The following MGA variants were observed in gnomAD, a reference collection of about 807,000 sequenced individuals.
MGA encodes the protein MAX dimerization protein MGA.
In MGA, 40 loss-of-function variants were observed where a neutral mutation model predicts 261.1. The observed-to-expected ratio is 0.15, with a 90% CI of 0.12 to 0.20. MGA has a LOEUF of 0.20. MGA is among the 10% of genes least tolerant of loss of function. MGA has a pLI of 1.00. For missense variants in MGA, 3,397 were observed against 3,630.5 expected, an observed-to-expected ratio of 0.94 and a Z score of 1.65; for synonymous variants, 1,302 against 1,290.6, an observed-to-expected ratio of 1.01 and a Z score of -0.19.
chr15:41,656,481 G>T (rs1460941028), upstream of MGA, among the ~76,000 whole-genome samples: 1 of 151,230 alleles, frequency 6.6e-6, no homozygotes, highest in Non-Finnish European at 1.5e-5. Context: ...GGCTGGGACC[G>T]CAGATGCACA....
At chr15:41,765,316 T>A (rs555945124) in intron 23 of MGA, among the ~76,000 whole-genome samples, 2 of 152,298 alleles carry the variant, frequency 1.3e-5, no homozygotes, top group South Asian at 4.1e-4. Context: ...AAAAAAGATA[T>A]CAGAGGGAAA....
chr15:41,750,534 T>C lies in MGA; in HGVS notation c.6927T>C (p.Asn2309=), dbSNP rs752063084. Residue 2309 remains asparagine, a synonymous_variant, in exon 17 of 24, where the codon AAT becomes AAC. Coordinates refer to ENST00000219905, the MANE Select transcript of MGA (RefSeq NM_001164273.2). ...TGGAAGAAGATGATGAAGATGATAATGAGAAAACTGATGATTCTATTGATG... is the reference window on the plus strand; with the variant it reads ...TGGAAGAAGATGATGAAGATGATAACGAGAAAACTGATGATTCTATTGATG... 6 of 1,612,992 alleles carry C rather than the reference T, an allele frequency of 3.7e-6. No homozygotes were observed. In the Admixed American group the frequency reaches 6.7e-5, roughly 18 times the overall value.
chr15:41,692,890 T>C (rs1189742436), intron 2 of MGA, among the ~76,000 whole-genome samples: 1 of 152,182 alleles, frequency 6.6e-6, no homozygotes, highest in African/African-American at 2.4e-5. Context: ...GTTTTGTATT[T>C]TTAGTAGAGA....
At chr15:41,760,666 A>C (rs1356588850) in intron 20 of MGA, 137 bp downstream of exon 20, 105 of 769,546 alleles carry the variant, frequency 1.4e-4, no homozygotes, top group Non-Finnish European at 1.1e-4. Context: ...TGGACTAGTG[A>C]ATGCCCAGTA....
At chr15:41,706,602 A>G (rs1216565319) in intron 5 of MGA, among the ~76,000 whole-genome samples, 1 of 125,740 alleles carries the variant, frequency 8.0e-6, no homozygotes, top group Non-Finnish European at 1.6e-5. Flanking sequence ...TTTTTTTGAG[A>G]TAGAGTCTTA....
intron 1 of MGA, among the ~76,000 whole-genome samples, chr15:41,647,998 C>G (rs2056968024): frequency 6.6e-6 from 1 of 152,168 alleles, no homozygotes; most frequent in African/African-American, 2.4e-5. Flanking sequence ...GCCTTTAATT[C>G]AGTTTGTCCA....
chr15:41,752,735 T>A (rs908162806), intron 17 of MGA, among the ~76,000 whole-genome samples: 8 of 152,092 alleles, frequency 5.3e-5, no homozygotes, highest in African/African-American at 1.9e-4. Context: ...TTTGTATTTT[T>A]TTAGTAAAGA....
intron 1 of MGA, among the ~76,000 whole-genome samples, chr15:41,634,374 C>T (rs1362243186): frequency 1.3e-5 from 2 of 152,046 alleles, no homozygotes; most frequent in African/African-American, 4.8e-5. Flanking sequence ...AAACTAAAGC[C>T]CAGAGAGGTT....
In MGA at chr15:41,767,170, T is replaced by C; in HGVS notation, c.9088T>C (p.Leu3030=). 6.2e-7 allele frequency: 1 copy of C among 1,613,980 alleles called. No homozygotes were observed. Among genetic ancestry groups the C allele is most frequent in the Non-Finnish European group, 8.5e-7 (1 of 1,179,860 alleles). ...TGGGTCAGTTGGACACAAAATGAAC[T>C]TAACAGGGAATGACCAGGAAGGCCG... Residue 3030 remains leucine, a synonymous_variant, in exon 24 of 24, where the codon TTA becomes CTA. Transcript: ENST00000219905.
In MGA at chr15:41,736,588, G is replaced by A. The variant is rs1234592432; in HGVS notation, c.4324G>A (p.Glu1442Lys). The change falls in exon 13 of 24, where the codon GAG becomes AAG. Residue 1442 changes from glutamate (E) to lysine (K), a missense_variant. Glu to Lys is a moderately conservative substitution (Grantham distance 56). Transcript: ENST00000219905. ...GACAGATGCCCTGGATTCAGTGAGG[G>A]AGAGATTACATGGAGGCAAAGGTCT... The A allele has an allele frequency of 6.2e-7, 1 of 1,614,008 alleles. No individual in the cohort carries two copies. Among genetic ancestry groups the A allele is most frequent in the Non-Finnish European group, 8.5e-7 (1 of 1,179,886 alleles).
chr15:41,646,571 C>T (rs545204073), intron 1 of MGA, among the ~76,000 whole-genome samples: 1 of 151,960 alleles, frequency 6.6e-6, no homozygotes. Context: ...GATCCACCCA[C>T]CTTGGCCTCC....
intron 9 of MGA, 89 bp downstream of exon 9, chr15:41,713,585 G>T: frequency 7.2e-7 from 1 of 1,379,904 alleles, no homozygotes; most frequent in Non-Finnish European, 9.5e-7. Flanking sequence ...CCTTAATCCC[G>T]ATCAATTATC....
intron 15 of MGA, 67 bp downstream of exon 15, chr15:41,743,239 G>A: frequency 2.0e-6 from 3 of 1,464,132 alleles, no homozygotes; most frequent in Non-Finnish European, 9.1e-7. Context: ...TTGTGGTTGT[G>A]TTAGGATTAT....
intron 11 of MGA, among the ~76,000 whole-genome samples, chr15:41,733,458 G>A (rs974567854): frequency 2.0e-5 from 3 of 152,158 alleles, no homozygotes; most frequent in African/African-American, 7.2e-5. Flanking sequence ...AGTTACCCTT[G>A]TAGTTAGGCT....
intron 1 of MGA, among the ~76,000 whole-genome samples, chr15:41,638,152 C>T (rs1160168106): frequency 7.3e-6 from 1 of 137,700 alleles, no homozygotes; most frequent in Non-Finnish European, 1.5e-5. Context: ...AAGCAATTCT[C>T]TTGCCTCAGT....
chr15:41,627,799 AAC>A (rs1477249568), intron 1 of MGA, among the ~76,000 whole-genome samples: 1 of 152,226 alleles, frequency 6.6e-6, no homozygotes, highest in Non-Finnish European at 1.5e-5. Context: ...AGCTTATTTT[AAC>A]AGTCTTTAAG....
chr15:41,743,744 A>G (rs911074735), intron 15 of MGA, among the ~76,000 whole-genome samples: 11 of 152,234 alleles, frequency 7.2e-5, no homozygotes, highest in Non-Finnish European at 1.3e-4. Context: ...AGTAAAAACC[A>G]CTAATGAATC....
At chr15:41,682,753 T>A (rs1163282923) in intron 2 of MGA, among the ~76,000 whole-genome samples, 1 of 152,182 alleles carries the variant, frequency 6.6e-6, no homozygotes, top group African/African-American at 2.4e-5. Flanking sequence ...AGTGCTGGGA[T>A]TACAAGTGTG....
At chr15:41,673,286 T>C (rs2058174212) in intron 2 of MGA, among the ~76,000 whole-genome samples, 1 of 151,998 alleles carries the variant, frequency 6.6e-6, no homozygotes, top group Non-Finnish European at 1.5e-5. Context: ...GGTGTGATCT[T>C]GGCTTGCTGC....
Sources: allele counts gnomAD v4.1 joint callset (sites outside exome capture counted in the v4.1 genomes callset), GRCh38; gene constraint gnomAD v4.1.1; transcripts MANE v1.5; gene names NCBI Gene and HGNC (gene_info 2026-07-23, HGNC 2026-07-21).